Variants in ANXA7 observed in about 807,000 individuals in gnomAD.
ANXA7 encodes the protein annexin VII.
In ANXA7, 55 loss-of-function variants were observed where a neutral mutation model predicts 64.9. The ratio of observed to expected loss-of-function variants is 0.85; its 90% CI spans 0.68 to 1.06. ANXA7 has a LOEUF of 1.06. ANXA7 is among the 50% of genes least tolerant of loss of function. ANXA7 has a pLI of 0.00. For missense variants in ANXA7, 548 were observed against 582.1 expected (o/e 0.94, Z 0.60); for synonymous variants, 200 against 192.4 (o/e 1.04, Z -0.33).
intron 7 of ANXA7, among the ~76,000 whole-genome samples, chr10:73,385,778 C>T (rs941071560): frequency 2.6e-5 from 4 of 152,010 alleles, no homozygotes; most frequent in African/African-American, 4.8e-5. Flanking sequence ...GTTTGTGTTG[C>T]ATAATCAGTC....
chr10:73,376,363 T>C (rs1003532065), intron 12 of ANXA7, 146 bp from the exon 13 acceptor site: 4 of 716,160 alleles, frequency 5.6e-6, no homozygotes, highest in Non-Finnish European at 8.5e-6. Flanking sequence ...CTGGCACTCA[T>C]ACCAATGCTA....
intron 1 of ANXA7, among the ~76,000 whole-genome samples, chr10:73,412,905 G>C (rs2055867677): frequency 6.6e-6 from 1 of 151,574 alleles, no homozygotes; most frequent in South Asian, 2.1e-4. Context: ...GTTAGTAAAA[G>C]GGCTGGGTCT....
chr10:73,384,539 C>T (rs2055330904), intron 7 of ANXA7, among the ~76,000 whole-genome samples: 1 of 151,872 alleles, frequency 6.6e-6, no homozygotes, highest in Non-Finnish European at 1.5e-5. Flanking sequence ...GTAGCTGGGA[C>T]TACAGGCACA....
chr10:73,412,382 A>G (rs1281229726), intron 1 of ANXA7, among the ~76,000 whole-genome samples: 1 of 152,074 alleles, frequency 6.6e-6, no homozygotes, highest in East Asian at 1.9e-4. Flanking sequence ...TTGTACATAT[A>G]TCATTTATTC....
At chr10:73,409,304 A>G (rs2055805095) in intron 1 of ANXA7, among the ~76,000 whole-genome samples, 1 of 152,218 alleles carries the variant, frequency 6.6e-6, no homozygotes, top group Admixed American at 6.5e-5. Context: ...TGATAAATGA[A>G]ATCGGTAAAG....
At chr10:73,394,640 C>A (rs2055540531) in intron 5 of ANXA7, among the ~76,000 whole-genome samples, 1 of 152,132 alleles carries the variant, frequency 6.6e-6, no homozygotes, top group African/African-American at 2.4e-5. Context: ...TGGTCTCACT[C>A]ATAGGTGGGA....
intron 5 of ANXA7, among the ~76,000 whole-genome samples, chr10:73,389,347 C>G (rs1232562290): frequency 6.6e-6 from 1 of 152,160 alleles, no homozygotes; most frequent in African/African-American, 2.4e-5. Flanking sequence ...ATAAATACAA[C>G]ATTGCATTCT....
At chr10:73,411,869 G>GAA (rs113860616) in intron 1 of ANXA7, among the ~76,000 whole-genome samples, 1 of 139,184 alleles carries the variant, frequency 7.2e-6, no homozygotes. Context: ...ACGTATTAAT[G>GAA]AAAAAAAAAA....
At chr10:73,400,178 G>A (rs1038083513) in intron 2 of ANXA7, among the ~76,000 whole-genome samples, 1 of 151,694 alleles carries the variant, frequency 6.6e-6, no homozygotes, top group Admixed American at 6.6e-5. Flanking sequence ...AAACTGAAAC[G>A]CACAATTCTT....
In ANXA7 at chr10:73,375,944, C is replaced by T. The variant is rs1018647437; in HGVS notation, c.*151G>A. 5.7e-6 allele frequency: 3 copies of T among 523,428 alleles called. No individual in the cohort carries two copies. The highest frequency in any genetic ancestry group is 9.4e-6 in the Non-Finnish European group (3 of 318,794). 32.4% of individuals were successfully genotyped at this position (523,428 alleles called of 1,614,324 possible). On this transcript the variant is annotated 3_prime_UTR_variant, in exon 13 of 13. Transcript: ENST00000372921. The stretch of plus-strand genomic sequence containing the variant: ...AAAATTAGAATTAAGGCAATAACAA[C>T]ATGTGCAAACCAAGCACATTACCCT...
chr10:73,392,433 A>C (rs2055500577), intron 5 of ANXA7, among the ~76,000 whole-genome samples: 1 of 152,222 alleles, frequency 6.6e-6, no homozygotes, highest in South Asian at 2.1e-4. Context: ...CCTGATGAAC[A>C]TCGATGCAAA....
chr10:73,384,756 C>A (rs1423583198), intron 7 of ANXA7, among the ~76,000 whole-genome samples: 1 of 151,916 alleles, frequency 6.6e-6, no homozygotes, highest in Non-Finnish European at 1.5e-5. Flanking sequence ...TGTAAGGTAA[C>A]CTGTACTCTA....
chr10:73,378,884 C>G (rs188379617), intron 12 of ANXA7, 27 bp downstream of exon 12: 1 of 1,545,896 alleles, frequency 6.5e-7, no homozygotes, highest in Non-Finnish European at 8.9e-7. Context: ...AAGTAAGACC[C>G]GACAAAAAGA....
chr10:73,405,739 T>G (rs1033224466), intron 1 of ANXA7, among the ~76,000 whole-genome samples: 8 of 152,194 alleles, frequency 5.3e-5, no homozygotes, highest in Non-Finnish European at 1.0e-4. Context: ...CAATGTTATT[T>G]GCAAGGCAAA....
At chr10:73,383,122 G>C (rs2132657097) in intron 9 of ANXA7, 53 bp downstream of exon 9, 2 of 1,490,270 alleles carry the variant, frequency 1.3e-6, no homozygotes, top group Admixed American at 2.2e-5. Context: ...CTGGCAAAAG[G>C]CTTTTAAAGT....
chr10:73,378,214 A>G (rs1289799130), intron 12 of ANXA7, among the ~76,000 whole-genome samples: 3 of 151,518 alleles, frequency 2.0e-5, no homozygotes, highest in African/African-American at 4.8e-5. Context: ...ATCTCTACCA[A>G]AAAAATACAA....
chr10:73,402,947 C>A (rs1481391528), intron 1 of ANXA7, among the ~76,000 whole-genome samples: 1 of 152,038 alleles, frequency 6.6e-6, no homozygotes, highest in Admixed American at 6.6e-5. Context: ...GCCTCAGCCT[C>A]CCAAGTAGCT....
intron 12 of ANXA7, among the ~76,000 whole-genome samples, chr10:73,377,079 G>T (rs1443132721): frequency 6.6e-6 from 1 of 152,114 alleles, no homozygotes; most frequent in Admixed American, 6.6e-5. Flanking sequence ...AACATCTGAA[G>T]GTGAATGGTA....
At chr10:73,386,075 G>T (rs2055364705) in intron 7 of ANXA7, among the ~76,000 whole-genome samples, 2 of 152,024 alleles carry the variant, frequency 1.3e-5, no homozygotes, top group Non-Finnish European at 2.9e-5. Context: ...TTAGCTGGGT[G>T]TGGTGGCAGA....
Sources: allele counts gnomAD v4.1 joint callset (sites outside exome capture counted in the v4.1 genomes callset), GRCh38; gene constraint gnomAD v4.1.1; transcripts MANE v1.5; gene names NCBI Gene and HGNC (gene_info 2026-07-23, HGNC 2026-07-21).